MTSS1: variants seen among roughly 807,000 people sequenced by gnomAD.
The protein encoded by MTSS1 is MTSS I-BAR domain containing 1.
MTSS1 carries 18 observed loss-of-function variants against 79.0 expected under a neutral mutation model. The ratio of observed to expected loss-of-function variants is 0.23; its 90% CI spans 0.16 to 0.34. The LOEUF (loss-of-function observed/expected upper bound fraction) is 0.34. MTSS1 is among the 10% of genes least tolerant of loss of function. The pLI is 1.00. For missense variants in MTSS1, 815 were observed against 986.2 expected (o/e 0.83, Z 2.33); for synonymous variants, 341 against 368.6 (o/e 0.93, Z 0.86).
chr8:124,676,272 G>A (rs1045882489), intron 3 of MTSS1, among the ~76,000 whole-genome samples: 6 of 152,112 alleles, frequency 3.9e-5, no homozygotes, highest in African/African-American at 1.4e-4. Context: ...ATGCAAAGAT[G>A]GTATTAAAGA....
Position 124,553,381 on chromosome 8 carries a change from G to A in MTSS1, c.1879C>T (p.Pro627Ser). The stretch of plus-strand genomic sequence containing the variant: ...TCTGGAGGGGCTGGCAACACCCCTG[G>A]GAGGTCTGGGACGGTTGGGGTCTTG... ...PVKTPTVPDL[P>S]GVLPAPPDGP... is the part of the protein sequence containing the mutation. The change falls in exon 14 of 14, where the codon CCA (proline) becomes TCA (serine). Residue 627 changes from proline (P) to serine (S), a missense_variant. By Grantham distance (74) the Pro-to-Ser change is moderately conservative. Transcript: ENST00000518547. The surrounding 1 kb of genome is among the most constrained non-coding windows in gnomAD (Gnocchi z 6.0). 6.2e-7 allele frequency: 1 copy of A among 1,610,686 alleles called. No individual in the cohort carries two copies. The highest frequency in any genetic ancestry group is 8.5e-7 in the Non-Finnish European group (1 of 1,177,392).
chr8:124,607,783 T>C (rs1835124413), intron 3 of MTSS1, among the ~76,000 whole-genome samples: 1 of 152,194 alleles, frequency 6.6e-6, no homozygotes. Context: ...CAGGCTAACT[T>C]AAGCACTCAC....
chr8:124,667,899 G>A (rs113667712), intron 3 of MTSS1, among the ~76,000 whole-genome samples: 4,236 of 151,946 alleles, frequency 0.028, 190 homozygotes, highest in African/African-American at 0.096. Flanking sequence ...GCAATATGGC[G>A]AGACCCTTTC....
intron 3 of MTSS1, among the ~76,000 whole-genome samples, chr8:124,695,852 T>C (rs1375590262): frequency 6.9e-6 from 1 of 145,370 alleles, no homozygotes; most frequent in East Asian, 2.0e-4. Context: ...CCACATATTG[T>C]GGAAAACTAG....
intron 4 of MTSS1, among the ~76,000 whole-genome samples, chr8:124,590,083 C>T (rs1193086762): frequency 6.6e-6 from 1 of 152,184 alleles, no homozygotes; most frequent in Non-Finnish European, 1.5e-5. Flanking sequence ...TCTTGATCTC[C>T]TGACCTCATG....
chr8:124,598,424 C>T (rs1029612563), intron 3 of MTSS1, among the ~76,000 whole-genome samples: 1 of 152,200 alleles, frequency 6.6e-6, no homozygotes, highest in Non-Finnish European at 1.5e-5. Context: ...TAGAAATGTC[C>T]CCAGGGGGCA....
intron 3 of MTSS1, among the ~76,000 whole-genome samples, chr8:124,673,941 C>G (rs114407340): frequency 9.2e-4 from 140 of 152,216 alleles, no homozygotes; most frequent in African/African-American, 3.3e-3. Flanking sequence ...GCTCCAGACA[C>G]AGGAAGGGTC....
chr8:124,698,661 G>A (rs1293123560), intron 3 of MTSS1, among the ~76,000 whole-genome samples: 1 of 151,956 alleles, frequency 6.6e-6, no homozygotes, highest in Admixed American at 6.6e-5. Flanking sequence ...ACAGGCACGT[G>A]CCACCACGCC....
At chr8:124,643,698 CAA>C (rs11323836) in intron 3 of MTSS1, among the ~76,000 whole-genome samples, 5,860 of 67,146 alleles carry the variant, frequency 0.087, 113 homozygotes, top group East Asian at 0.18. Context: ...AATTCCGTCT[CAA>C]AAAAAAAAAA....
chr8:124,662,066 A>G lies in MTSS1; in HGVS notation c.208+37460T>C, dbSNP rs112668242. On this transcript the variant is annotated intron_variant, in intron 3 of 13. Transcript: ENST00000518547. ...AGTCTTGTCCCAAGCTCAGCTCTTT[A>G]GCCTGAAAGTTAATGGGAAAGGCAG... Among the ~76,000 whole-genome samples, 405 of 152,328 alleles carry G rather than the reference A, an allele frequency of 2.7e-3. 1 individual carries two copies. The highest frequency in any genetic ancestry group is 8.7e-3 in the African/African-American group (362 of 41,576).
intron 3 of MTSS1, among the ~76,000 whole-genome samples, chr8:124,618,305 C>T (rs556637007): frequency 6.6e-6 from 1 of 152,244 alleles, no homozygotes; most frequent in South Asian, 2.1e-4. Context: ...CCTCTACATA[C>T]CAATTTTTCC....
chr8:124,632,279 C>CAAAAAAAA (rs59976165), intron 3 of MTSS1, among the ~76,000 whole-genome samples: 7 of 69,162 alleles, frequency 1.0e-4, no homozygotes, highest in Non-Finnish European at 1.5e-4. Context: ...GACTCTGTCT[C>CAAAAAAAA]AAAAAAAAAA....
chr8:124,551,874 A>G lies in MTSS1; in HGVS notation c.*1118T>C, dbSNP rs1392526293. 6.5e-6 allele frequency: 1 copy of G among 152,688 alleles called. No homozygotes were observed. The highest frequency in any genetic ancestry group is 1.5e-5 in the Non-Finnish European group (1 of 68,050). The allele number at this position is 152,688 out of a possible 1,614,324, so 9.5% of individuals were successfully genotyped here. A position where few individuals can be genotyped will look rare whatever the true frequency, so the allele number is the denominator to read the frequency against. On this transcript the variant is annotated 3_prime_UTR_variant, in exon 14 of 14. Transcript: ENST00000518547. ...TGCCATTTATTTGAAAGAAGAAAAGAAAAACAAGCCCCCAGATTGGTAAAC... is the reference window on the plus strand; with the variant it reads ...TGCCATTTATTTGAAAGAAGAAAAGGAAAACAAGCCCCCAGATTGGTAAAC...
In MTSS1 at chr8:124,582,843, T is replaced by C. The variant is rs916820719; in HGVS notation, c.460+2244A>G. 1.3e-5 allele frequency among the ~76,000 whole-genome samples: 2 copies of C among 152,006 alleles called. No homozygotes were observed. Among genetic ancestry groups the C allele is most frequent in the Non-Finnish European group, 2.9e-5 (2 of 67,996 alleles). The stretch of plus-strand genomic sequence containing the variant: ...AGATTTCTTCCAGCCCTTAAGTGAG[T>C]TGTGTTTTCTTCAGTCCATTCTCAG... On this transcript the variant is annotated intron_variant, in intron 6 of 13. Transcript: ENST00000518547. This position sits in a 1 kb window ranked among gnomAD's most constrained non-coding sequence, Gnocchi z 4.8.
At chr8:124,711,816 G>A (rs1460509557) in intron 1 of MTSS1, among the ~76,000 whole-genome samples, 1 of 152,054 alleles carries the variant, frequency 6.6e-6, no homozygotes, top group East Asian at 1.9e-4. Flanking sequence ...AGACCAGCCT[G>A]GGGAACATGA....
intron 3 of MTSS1, among the ~76,000 whole-genome samples, chr8:124,596,475 G>T (rs546606722): frequency 6.6e-6 from 1 of 152,310 alleles, no homozygotes; most frequent in South Asian, 2.1e-4. Context: ...ATCTGTGAAG[G>T]AATCATCAGT....
rs1196457951 is a variant in MTSS1 at position 124,628,478 on chromosome 8, T to C, written c.209-37243A>G. Among the ~76,000 whole-genome samples the C allele has an allele frequency of 2.0e-5, 3 of 152,034 alleles. No individual in the cohort carries two copies. In the East Asian group the frequency reaches 5.8e-4, roughly 29 times the overall value. On this transcript the variant is annotated intron_variant, in intron 3 of 13. Transcript: ENST00000518547. ...GATCCTTATTAGCAGGAAAGCTCTGTCTTCTGCTCCCCACGGCTCAGCTGT... is the reference window on the plus strand; with the variant it reads ...GATCCTTATTAGCAGGAAAGCTCTGCCTTCTGCTCCCCACGGCTCAGCTGT...
chr8:124,728,201 TAA>T lies in MTSS1; in HGVS notation c.-248_-247del. 2.8e-6 allele frequency: 1 copy of T among 362,454 alleles called. No individual in the cohort carries two copies. The highest frequency in any genetic ancestry group is 4.6e-5 in the East Asian group (1 of 21,530). 22.5% of individuals were successfully genotyped at this position (362,454 alleles called of 1,614,324 possible). On this transcript the variant is annotated 5_prime_UTR_variant, in exon 1 of 14. An upstream open reading frame in the 5' UTR loses its in-frame stop. Coordinates refer to ENST00000518547, the MANE Select transcript of MTSS1 (RefSeq NM_014751.6). The surrounding 1 kb of genome is among the most constrained non-coding windows in gnomAD (Gnocchi z 6.1). ...ACAAGCAGCGCTCGGCTCCTGGCCTTAAAAATGCCGGGAGAAGACTGACAATC... is the reference window on the plus strand; with the variant it reads ...ACAAGCAGCGCTCGGCTCCTGGCCTTAAATGCCGGGAGAAGACTGACAATC...
At position 124,727,318 on chromosome 8, in the gene MTSS1, C is replaced by A. The variant is rs1249456581; in HGVS notation, c.72+566G>T. On this transcript the variant is annotated intron_variant, in intron 1 of 13. Transcript: ENST00000518547. This position sits in a 1 kb window ranked among gnomAD's most constrained non-coding sequence, Gnocchi z 4.7. Reference sequence around the variant, plus strand: ...GAGGGCTAAGAGAGGGCACGCACACCTTTACCAGCTTCGGAACGGCCCAAT... The same window carrying A: ...GAGGGCTAAGAGAGGGCACGCACACATTTACCAGCTTCGGAACGGCCCAAT... Among the ~76,000 whole-genome samples, 1 of 152,222 alleles carries A rather than the reference C, an allele frequency of 6.6e-6. No individual in the cohort carries two copies. The highest frequency in any genetic ancestry group is 1.5e-5 in the Non-Finnish European group (1 of 68,030).
Sources: gnomAD v4.1 joint callset for allele counts (sites outside exome capture counted in the v4.1 genomes callset) on GRCh38, gnomAD v4.1.1 for gene constraint, Gnocchi (gnomAD v3.1) non-coding constraint, MANE v1.5 for transcripts, NCBI Gene and HGNC (gene_info 2026-07-23, HGNC 2026-07-21) for gene names.